The following MYO15A variants were observed in gnomAD, a reference collection of about 807,000 sequenced individuals.
The protein encoded by MYO15A is myosin XVA.
In MYO15A, 308 loss-of-function variants were observed where a neutral mutation model predicts 394.6. The ratio of observed to expected loss-of-function variants is 0.78; its 90% CI spans 0.71 to 0.86. MYO15A has a LOEUF of 0.86. Among genes scored for constraint, MYO15A ranks in the 40% least tolerant of loss-of-function variants. The probability of loss-of-function intolerance (pLI) is 0.00; values close to 1 mark genes in which losing one functional copy is unlikely to be tolerated. For synonymous variants in MYO15A, 1,957 were observed against 2,003.8 expected, an observed-to-expected ratio of 0.98 and a Z score of 0.62; for missense variants, 4,606 against 4,799.1, an observed-to-expected ratio of 0.96 and a Z score of 1.19.
In MYO15A at chr17:18,119,161, C is replaced by T. The variant is rs2045847084; in HGVS notation, c.361C>T (p.Arg121Trp). 1.2e-6 allele frequency: 2 copies of T among 1,611,710 alleles called. No individual in the cohort carries two copies. Among genetic ancestry groups the T allele is most frequent in the Admixed American group, 1.7e-5 (1 of 59,950 alleles). Residue 121 changes from arginine (R) to tryptophan (W), a missense_variant, in exon 2 of 66, where the codon CGG (arginine) becomes TGG (tryptophan). Arg to Trp is a moderately radical substitution (Grantham distance 101). Transcript: ENST00000647165. ...AGGCCGCCGTGGCTACGGCCGCCTG[C>T]GGCCGCGCGCCCGGTCACTCAGCAA... The part of the protein sequence containing the change: ...FPGRRGYGRL[R>W]PRARSLSKAS...
Position 18,118,970 on chromosome 17 carries a change from C to A in MYO15A, c.170C>A (p.Ser57Ter), listed in dbSNP as rs770052089. 1.9e-6 allele frequency: 3 copies of A among 1,613,186 alleles called. No individual in the cohort carries two copies. In the East Asian group the frequency reaches 6.7e-5, roughly 36 times the overall value. ...AAGAAGGGCCAGTTCCGCAGCGCCT[C>A]GGCCTTCTTCTGGGGCCTCCACACC... ...ISKKGQFRSA[S>*]AFFWGLHTGP... is the part of the protein sequence containing the mutation. Residue 57 changes from serine (S) to a stop codon, truncating the protein, a stop_gained, in exon 2 of 66, where the codon TCG becomes TAG. Transcript: ENST00000647165. LOFTEE classifies it high-confidence loss of function.
Position 18,121,053 on chromosome 17 carries a change from AG to A in MYO15A, c.2257del (p.Ala753ArgfsTer28). 1 of 1,508,488 alleles carries A rather than the reference AG, an allele frequency of 6.6e-7. No individual in the cohort carries two copies. The highest frequency in any genetic ancestry group is 2.6e-5 in the East Asian group (1 of 37,854). The allele number at this position is 1,508,488 out of a possible 1,614,324, so 93.4% of individuals were successfully genotyped here. A position where few individuals can be genotyped will look rare whatever the true frequency, so the allele number is the denominator to read the frequency against. On this transcript the variant is annotated frameshift_variant, in exon 2 of 66. Coordinates refer to ENST00000647165, the MANE Select transcript of MYO15A (RefSeq NM_016239.4). LOFTEE classifies it high-confidence loss of function. The surrounding 1 kb of genome is among the most constrained non-coding windows in gnomAD (Gnocchi z 5.3). ...CCTCGTTCAGGGGCTCCCGCCGGAG[AG>A]GGGCGGCTTTCGGCTTCCCCGGGGC... is the stretch of plus-strand genomic sequence containing the variant. ...RPSFRGSRRR[G>X]AAFGFPGASP...
chr17:18,142,114 G>T lies in MYO15A; in HGVS notation c.5685G>T (p.Glu1895Asp). 1 of 1,613,656 alleles carries T rather than the reference G, an allele frequency of 6.2e-7. No homozygotes were observed. Among genetic ancestry groups the T allele is most frequent in the South Asian group, 1.1e-5 (1 of 91,090 alleles). Residue 1895 changes from glutamate (E) to aspartate (D), a missense_variant, in exon 24 of 66, where the codon GAG becomes GAT. Physicochemically the swap from Glu to Asp is conservative, Grantham distance 45 (BLOSUM62 2). Around this residue, in one of 2 missense-constraint regions of MYO15A, gnomAD observed 2,776 missense variants for 3,109.3 expected, o/e 0.89. Coordinates refer to ENST00000647165, the MANE Select transcript of MYO15A (RefSeq NM_016239.4). ...AGGAACACCTATACCAGCTGCTGGA[G>T]AGTATGCGAGAGCATGTCCTGAATC... ...FLKEHLYQLL[E>D]SMREHVLNLA...
chr17:18,152,744 C>T (rs1200592718), intron 42 of MYO15A, among the ~76,000 whole-genome samples: 1 of 152,156 alleles, frequency 6.6e-6, no homozygotes, highest in Admixed American at 6.5e-5. Flanking sequence ...ACATTCTGTT[C>T]CTCTCTGTTC....
chr17:18,151,489 C>T lies in MYO15A; in HGVS notation c.7749C>T (p.Tyr2583=), dbSNP rs1423760282. 1.9e-6 allele frequency: 3 copies of T among 1,614,092 alleles called. No individual in the cohort carries two copies. Among genetic ancestry groups the T allele is most frequent in the African/African-American group, 1.3e-5 (1 of 74,936 alleles). The part of the protein sequence containing the change: ...TQQIKNIVRQ[Y]QQPFRGGRPE... ...AGATCAAGAATATTGTCAGGCAGTA[C>T]CAGCAGCCGTTCCGGGGAGGCCGGC... is the stretch of plus-strand genomic sequence containing the variant. The change falls in exon 40 of 66, where the codon TAC becomes TAT. Residue 2583 remains tyrosine, a synonymous_variant. Coordinates refer to ENST00000647165, the MANE Select transcript of MYO15A (RefSeq NM_016239.4).
Position 18,172,146 on chromosome 17 carries a change from T to C in MYO15A, c.10217-11T>C. The C allele has an allele frequency of 6.2e-7, 1 of 1,614,094 alleles. No homozygotes were observed. The highest frequency in any genetic ancestry group is 8.5e-7 in the Non-Finnish European group (1 of 1,180,014). ...CCCAGCACGTAACTGCCACCCCCTC[T>C]CCCTGCCCAGGCCTCCTCAGCGCCT... is the stretch of plus-strand genomic sequence containing the variant. On this transcript the variant is annotated splice_polypyrimidine_tract_variant and intron_variant, in intron 63 of 65. Coordinates refer to ENST00000647165, the MANE Select transcript of MYO15A (RefSeq NM_016239.4).
Position 18,150,242 on chromosome 17 carries a change from T to C in MYO15A, c.7213-187T>C, listed in dbSNP as rs892899704. Among the ~76,000 whole-genome samples, 2 of 152,024 alleles carry C rather than the reference T, an allele frequency of 1.3e-5. No homozygotes were observed. The highest frequency in any genetic ancestry group is 4.8e-5 in the African/African-American group (2 of 41,382). On this transcript the variant is annotated intron_variant, in intron 35 of 65. Transcript: ENST00000647165. The surrounding 1 kb of genome is among the most constrained non-coding windows in gnomAD (Gnocchi z 4.4). The stretch of plus-strand genomic sequence containing the variant: ...AGAGGGGATGGGTTGGGAGCTCATA[T>C]GGTTATGGATACGACTGATTGGGAT...
rs1317243760 is a variant in MYO15A, at chr17:18,121,935, T to TC, written c.3141dup (p.Lys1048GlnfsTer22). The stretch of plus-strand genomic sequence containing the variant: ...ATGTCACTCCCCCCAAGGATATCAC[T>TC]CCCCCCAAGGATGTCCTCCCAGAGC... On this transcript the variant is annotated frameshift_variant, in exon 2 of 66. Coordinates refer to ENST00000647165, the MANE Select transcript of MYO15A (RefSeq NM_016239.4). LOFTEE classifies it high-confidence loss of function. This position sits in a 1 kb window ranked among gnomAD's most constrained non-coding sequence, Gnocchi z 5.3. 2 of 1,611,902 alleles carry TC rather than the reference T, an allele frequency of 1.2e-6. No homozygotes were observed. The highest frequency in any genetic ancestry group is 2.2e-5 in the East Asian group (1 of 44,784).
rs367916338 is a variant in MYO15A, at chr17:18,138,107, G to A, written c.4876-8G>A. 2.2e-5 allele frequency: 36 copies of A among 1,609,414 alleles called. 1 individual carries two copies. Among genetic ancestry groups the A allele is most frequent in the Non-Finnish European group, 2.9e-5 (34 of 1,179,998 alleles). ...GGAGGTTGAGCTCCTGCTGCCCACT[G>A]CCTGCAGGAGGAGTACATCCGTGAG... is the stretch of plus-strand genomic sequence containing the variant. On this transcript the variant is annotated splice_region_variant and splice_polypyrimidine_tract_variant and intron_variant, in intron 16 of 65. Coordinates refer to ENST00000647165, the MANE Select transcript of MYO15A (RefSeq NM_016239.4).
At chr17:18,155,950 G>T in intron 47 of MYO15A, 1 of 560,494 alleles carries the variant, frequency 1.8e-6, no homozygotes, top group Non-Finnish European at 3.2e-6. Context: ...TTTAGAGCTT[G>T]GACCAAGGGA....
rs1567667782 is a variant in MYO15A at position 18,173,774 on chromosome 17, C to T, written c.10351-7C>T. 6.2e-7 allele frequency: 1 copy of T among 1,613,916 alleles called. No individual in the cohort carries two copies. Among genetic ancestry groups the T allele is most frequent in the East Asian group, 2.2e-5 (1 of 44,886 alleles). On this transcript the variant is annotated splice_polypyrimidine_tract_variant and splice_region_variant and intron_variant, in intron 64 of 65. Transcript: ENST00000647165. The stretch of plus-strand genomic sequence containing the variant: ...GGCCTGTCCGGCCCCTCTCCTCCTA[C>T]TCCCAGGAATTGATGGTGAAGTTCC...
intron 15 of MYO15A, among the ~76,000 whole-genome samples, 179 bp from the exon 16 acceptor site, chr17:18,137,405 G>A (rs374021854): frequency 3.3e-5 from 5 of 152,350 alleles, no homozygotes; most frequent in African/African-American, 1.2e-4. Flanking sequence ...GGCACTGCCT[G>A]TGCTGTCAGG....
chr17:18,149,003 G>T (rs1230200554), intron 33 of MYO15A, 51 bp downstream of exon 33: 3 of 1,545,914 alleles, frequency 1.9e-6, no homozygotes, highest in South Asian at 2.4e-5. Flanking sequence ...CAGGCAGAAG[G>T]CCGGCCACTC....
At chr17:18,140,994 A>T in intron 21 of MYO15A, 25 bp from the exon 22 acceptor site, 2 of 1,613,246 alleles carry the variant, frequency 1.2e-6, no homozygotes, top group Non-Finnish European at 1.7e-6. Context: ...CAATGTGCAG[A>T]CTCCCTCTCT....
intron 64 of MYO15A, chr17:18,172,698 T>C (rs2046960125): frequency 2.9e-6 from 1 of 349,486 alleles, no homozygotes; most frequent in Non-Finnish European, 5.6e-6. Context: ...CTGTCCTCAC[T>C]GTGTCCTCAC....
intron 28 of MYO15A, 48 bp downstream of exon 28, chr17:18,144,048 C>G: frequency 1.9e-6 from 3 of 1,611,622 alleles, no homozygotes; most frequent in African/African-American, 1.3e-5. Flanking sequence ...AGGCGCTGAC[C>G]AATTAGAATG....
In MYO15A at chr17:18,144,525, C is replaced by T. The variant is rs2046441659; in HGVS notation, c.6206C>T (p.Pro2069Leu). 1 of 1,613,320 alleles carries T rather than the reference C, an allele frequency of 6.2e-7. No homozygotes were observed. The highest frequency in any genetic ancestry group is 8.5e-7 in the Non-Finnish European group (1 of 1,180,032). ...KEPAFGMLTV[P>L]LRTPLTQLPA... ...CCTGCCTTTGGGATGCTGACAGTGC[C>T]CCTGAGGACACCCCTCACGCAGCTG... The change falls in exon 29 of 66, where the codon CCC becomes CTC. Residue 2069 changes from proline to leucine, a missense_variant. Coordinates refer to ENST00000647165, the MANE Select transcript of MYO15A (RefSeq NM_016239.4).
chr17:18,151,645 T>G, intron 40 of MYO15A, 118 bp downstream of exon 40: 1 of 1,393,786 alleles, frequency 7.2e-7, no homozygotes, highest in African/African-American at 1.4e-5. Context: ...GGAGGGAGTT[T>G]CTTTATACTG....
At chr17:18,144,714 C>A in intron 29 of MYO15A, 122 bp downstream of exon 29, 1 of 878,212 alleles carries the variant, frequency 1.1e-6, no homozygotes, top group Non-Finnish European at 1.8e-6. Flanking sequence ...ACCTCTTCCC[C>A]AAAGGACAGA....
Sources: allele counts gnomAD v4.1 joint callset (sites outside exome capture counted in the v4.1 genomes callset), GRCh38; gene constraint gnomAD v4.1.1; regional missense constraint gnomAD v4.1.1; non-coding constraint Gnocchi (gnomAD v3.1); transcripts MANE v1.5; gene names NCBI Gene and HGNC (gene_info 2026-07-23, HGNC 2026-07-21).